Variants in STX8 observed in about 807,000 individuals in gnomAD.
STX8 encodes the protein syntaxin-8.
Under a neutral mutation model 37.5 loss-of-function variants are expected in STX8, and 23 were observed. The ratio of observed to expected loss-of-function variants is 0.61; its 90% CI spans 0.44 to 0.87. STX8 has a LOEUF of 0.87. Ranked by LOEUF, STX8 falls within the 40% of genes least tolerant of loss-of-function variation. The pLI is 0.00. For synonymous variants in STX8, 115 were observed against 99.1 expected (o/e 1.16, Z -0.95); for missense variants, 313 against 284.7 (o/e 1.10, Z -0.71).
At chr17:9,300,357 G>GAA (rs1206711511) in intron 7 of STX8, among the ~76,000 whole-genome samples, 6 of 135,358 alleles carry the variant, frequency 4.4e-5, no homozygotes, top group Non-Finnish European at 8.1e-5. Context: ...AAGAAAGAAA[G>GAA]AAAGAAAAAG....
intron 7 of STX8, among the ~76,000 whole-genome samples, chr17:9,356,954 T>C (rs1910897614): frequency 6.9e-6 from 1 of 145,892 alleles, no homozygotes; most frequent in African/African-American, 2.5e-5. Context: ...CTCCATCCTT[T>C]TAACAGTTTT....
At chr17:9,267,835 G>A (rs145827794) in intron 7 of STX8, among the ~76,000 whole-genome samples, 1 of 151,816 alleles carries the variant, frequency 6.6e-6, no homozygotes, top group East Asian at 1.9e-4. Flanking sequence ...CTAAAAATAC[G>A]AAAGAATTAG....
chr17:9,489,983 C>T (rs1349701631), intron 6 of STX8, among the ~76,000 whole-genome samples: 2 of 152,060 alleles, frequency 1.3e-5, no homozygotes, highest in East Asian at 1.9e-4. Flanking sequence ...CCACCGTGCC[C>T]GGCCTATAAA....
chr17:9,455,089 A>G (rs190859799), intron 6 of STX8, among the ~76,000 whole-genome samples: 2 of 152,126 alleles, frequency 1.3e-5, no homozygotes, highest in Non-Finnish European at 2.9e-5. Context: ...GGTGGTGTGC[A>G]CTTGTAGTCC....
intron 2 of STX8, among the ~76,000 whole-genome samples, chr17:9,564,272 G>A (rs1192379215): frequency 6.6e-6 from 1 of 151,366 alleles, no homozygotes; most frequent in East Asian, 1.9e-4. Flanking sequence ...GAGGAGAGGA[G>A]AGGAGAAAAG....
chr17:9,253,557 TG>T (rs1906672345), intron 7 of STX8, among the ~76,000 whole-genome samples: 1 of 151,876 alleles, frequency 6.6e-6, no homozygotes. Flanking sequence ...CAGGCTGGGA[TG>T]GGGCGAAGGG....
intron 7 of STX8, among the ~76,000 whole-genome samples, chr17:9,364,623 TGG>T (rs747287024): frequency 1.3e-5 from 2 of 152,032 alleles, no homozygotes; most frequent in Non-Finnish European, 2.9e-5. Context: ...CTCTGCCTCC[TGG>T]GTTCAAGCGA....
chr17:9,479,102 G>C (rs1465324212), intron 6 of STX8, among the ~76,000 whole-genome samples: 1 of 152,060 alleles, frequency 6.6e-6, no homozygotes, highest in Admixed American at 6.6e-5. Flanking sequence ...GCTGGTACTT[G>C]GTAAACACCT....
intron 6 of STX8, among the ~76,000 whole-genome samples, chr17:9,439,681 A>G (rs1204914371): frequency 1.3e-5 from 2 of 151,898 alleles, no homozygotes; most frequent in Admixed American, 6.6e-5. Flanking sequence ...TTTTTAGTAG[A>G]GATGGGGTTT....
At chr17:9,315,063 C>T (rs1909334340) in intron 7 of STX8, among the ~76,000 whole-genome samples, 1 of 144,818 alleles carries the variant, frequency 6.9e-6, no homozygotes, top group Non-Finnish European at 1.5e-5. Context: ...GATCGTGCCA[C>T]TGCACTCCAG....
chr17:9,556,764 T>TATATATATATACATAC (rs1906983962), intron 3 of STX8: 2 of 11,096 alleles, frequency 1.8e-4, no homozygotes, highest in African/African-American at 5.7e-4. Flanking sequence ...TATATATATA[T>TATATATATATACATAC]ATATATATAT....
intron 7 of STX8, among the ~76,000 whole-genome samples, chr17:9,346,241 T>G (rs558430705): frequency 4.3e-4 from 66 of 152,274 alleles, no homozygotes; most frequent in African/African-American, 1.5e-3. Context: ...CAACAGGAGA[T>G]ATCTGTTGCT....
chr17:9,522,910 A>G (rs1429314106), intron 4 of STX8, among the ~76,000 whole-genome samples: 1 of 152,058 alleles, frequency 6.6e-6, no homozygotes, highest in Non-Finnish European at 1.5e-5. Flanking sequence ...GAATAGCTAG[A>G]AGAGAGGATT....
chr17:9,493,246 T>C (rs932617426), intron 5 of STX8, among the ~76,000 whole-genome samples: 4 of 152,128 alleles, frequency 2.6e-5, no homozygotes, highest in East Asian at 1.9e-4. Context: ...GCCTGGGTGA[T>C]AGAGAGAGGC....
intron 7 of STX8, among the ~76,000 whole-genome samples, chr17:9,307,448 T>A (rs992119968): frequency 1.3e-5 from 2 of 152,118 alleles, no homozygotes; most frequent in Non-Finnish European, 2.9e-5. Flanking sequence ...AGGTCAGAGG[T>A]CAAAAGGCTA....
intron 4 of STX8, among the ~76,000 whole-genome samples, chr17:9,526,470 A>G (rs1285279148): frequency 6.6e-6 from 1 of 152,186 alleles, no homozygotes; most frequent in African/African-American, 2.4e-5. Flanking sequence ...TATATCAAAA[A>G]TTGCTCGGTA....
intron 7 of STX8, among the ~76,000 whole-genome samples, chr17:9,291,146 C>T (rs559837234): frequency 6.6e-6 from 1 of 152,254 alleles, no homozygotes; most frequent in East Asian, 1.9e-4. Flanking sequence ...AAAAAGCTTG[C>T]CTTTCTTAAA....
Position 9,429,996 on chromosome 17 carries a change from A to T in STX8, c.542-51343T>A, listed in dbSNP as rs1464388611. On this transcript the variant is annotated intron_variant, in intron 6 of 7. Transcript: ENST00000306357. The stretch of plus-strand genomic sequence containing the variant: ...TATTATATAGAATATATTATATATA[A>T]TATATATATTATATATTATATATTA... Among the ~76,000 whole-genome samples the T allele has an allele frequency of 1.9e-4, 3 of 15,548 alleles. 1 individual carries two copies. Among genetic ancestry groups the T allele is most frequent in the Non-Finnish European group, 3.1e-4 (3 of 9,726 alleles). 10.2% of individuals were successfully genotyped at this position (15,548 alleles called of 152,430 possible).
intron 6 of STX8, among the ~76,000 whole-genome samples, chr17:9,398,488 A>G (rs1470591565): frequency 1.3e-5 from 2 of 152,248 alleles, no homozygotes. Context: ...AGATGGAGCA[A>G]CTAAATATAA....
Sources: allele counts gnomAD v4.1 joint callset (sites outside exome capture counted in the v4.1 genomes callset), GRCh38; gene constraint gnomAD v4.1.1; transcripts MANE v1.5; gene names NCBI Gene and HGNC (gene_info 2026-07-23, HGNC 2026-07-21).